Variants in MIPOL1 observed in about 807,000 individuals in gnomAD.
MIPOL1 encodes mirror-image polydactyly 1.
Under a neutral mutation model 60.9 loss-of-function variants are expected in MIPOL1, and 57 were observed. That is an observed-to-expected ratio of 0.94 (90% CI 0.76 to 1.17). MIPOL1 has a LOEUF of 1.17. MIPOL1 is among the 50% of genes most tolerant of loss of function. MIPOL1 has a pLI of 0.00. For synonymous variants in MIPOL1, 179 were observed against 168.8 expected (o/e 1.06, Z -0.47); for missense variants, 551 against 511.6 (o/e 1.08, Z -0.74).
At position 37,247,236 on chromosome 14, in the gene MIPOL1, G is replaced by A. The variant is rs1420394310; in HGVS notation, c.-65G>A. 1 of 152,326 alleles carries A rather than the reference G, an allele frequency of 6.6e-6. No individual in the cohort carries two copies. The highest frequency in any genetic ancestry group is 1.5e-5 in the Non-Finnish European group (1 of 67,918). 9.4% of individuals were successfully genotyped at this position (152,326 alleles called of 1,614,324 possible). On this transcript the variant is annotated 5_prime_UTR_variant, in exon 2 of 13. The change creates a new upstream start codon in the 5' untranslated region. Transcript: ENST00000684589. ...TTTTAAAGAACGCTGGGTTCTATCT[G>A]TGAGGTAAATCTAATTTTATTCTCC... is the stretch of plus-strand genomic sequence containing the variant.
At chr14:37,460,617 C>T (rs1348781997) in intron 11 of MIPOL1, among the ~76,000 whole-genome samples, 2 of 152,150 alleles carry the variant, frequency 1.3e-5, no homozygotes, top group African/African-American at 4.8e-5. Flanking sequence ...ACCCTGATGG[C>T]ACCTCCCAAA....
chr14:37,267,972 C>G (rs1006081242), intron 4 of MIPOL1, among the ~76,000 whole-genome samples: 6 of 152,090 alleles, frequency 3.9e-5, no homozygotes, highest in Admixed American at 3.9e-4. Flanking sequence ...CCTTGCCTAC[C>G]TAGCTCATGA....
intron 1 of MIPOL1, among the ~76,000 whole-genome samples, chr14:37,207,012 G>C (rs374013230): frequency 6.6e-6 from 1 of 152,222 alleles, no homozygotes; most frequent in African/African-American, 2.4e-5. Context: ...GCTGAAATGA[G>C]TTAAGACTTT....
At chr14:37,435,325 C>T (rs1220198278) in intron 11 of MIPOL1, among the ~76,000 whole-genome samples, 1 of 152,166 alleles carries the variant, frequency 6.6e-6, no homozygotes, top group African/African-American at 2.4e-5. Flanking sequence ...GTTCTACCCC[C>T]GGAATGTCAC....
intron 10 of MIPOL1, among the ~76,000 whole-genome samples, chr14:37,397,928 C>G (rs2093407419): frequency 6.6e-6 from 1 of 152,182 alleles, no homozygotes; most frequent in Non-Finnish European, 1.5e-5. Flanking sequence ...GGGCTTGGTT[C>G]TTCCCCAACC....
chr14:37,261,986 C>T (rs1207620798), intron 3 of MIPOL1, among the ~76,000 whole-genome samples: 1 of 151,904 alleles, frequency 6.6e-6, no homozygotes, highest in Non-Finnish European at 1.5e-5. Context: ...TTATCTTGTA[C>T]ACACATATTA....
chr14:37,522,010 A>T (rs2095417723), intron 12 of MIPOL1, among the ~76,000 whole-genome samples: 1 of 151,078 alleles, frequency 6.6e-6, no homozygotes, highest in African/African-American at 2.4e-5. Flanking sequence ...TTTTTACATG[A>T]TGCTTTAGAG....
intron 1 of MIPOL1, among the ~76,000 whole-genome samples, chr14:37,208,563 G>A (rs1178366859): frequency 6.6e-6 from 1 of 152,076 alleles, no homozygotes; most frequent in Non-Finnish European, 1.5e-5. Context: ...AATAAAAAGT[G>A]AGCACCCATG....
At chr14:37,399,362 A>G (rs2093438316) in intron 10 of MIPOL1, among the ~76,000 whole-genome samples, 3 of 152,134 alleles carry the variant, frequency 2.0e-5, no homozygotes. Flanking sequence ...CTCCTTCTCC[A>G]GTATGTCCAA....
chr14:37,496,665 T>A (rs1217350607), intron 11 of MIPOL1, among the ~76,000 whole-genome samples: 1 of 151,576 alleles, frequency 6.6e-6, no homozygotes, highest in African/African-American at 2.4e-5. Flanking sequence ...TACAAACAAA[T>A]GGAAGAACAT....
rs2095550452 is a variant in MIPOL1 at position 37,547,110 on chromosome 14, A to G, written c.*139A>G. ...CACTCCAACCACATTCCAAGCTGAG[A>G]TAAAATCAAATCACAAATGTTTAAC... On this transcript the variant is annotated 3_prime_UTR_variant, in exon 13 of 13. Transcript: ENST00000684589. The G allele has an allele frequency of 1.2e-5, 8 of 653,990 alleles. No homozygotes were observed. The highest frequency in any genetic ancestry group is 1.8e-5 in the Non-Finnish European group (7 of 378,742). The allele number at this position is 653,990 out of a possible 1,614,324, so 40.5% of individuals were successfully genotyped here.
chr14:37,345,846 C>T lies in MIPOL1; in HGVS notation c.829-23671C>T, dbSNP rs112181582. On this transcript the variant is annotated intron_variant, in intron 9 of 12. Transcript: ENST00000684589. ...TACTGATATTTCAAATTCTGAACTG[C>T]AGAATTTTTACTTAACGTATCTTAC... Among the ~76,000 whole-genome samples, 723 of 152,278 alleles carry T rather than the reference C, an allele frequency of 4.7e-3. 4 individuals carry two copies. Among genetic ancestry groups the T allele is most frequent in the African/African-American group, 0.015 (640 of 41,546 alleles).
At position 37,308,447 on chromosome 14, in the gene MIPOL1, G is replaced by C; in HGVS notation, c.756G>C (p.Lys252Asn). ...TTGTGGATAGAATCTACAAGACCAA[G>C]GAATGTAAAATGAGAATAACTGCAG... Reference protein sequence around the residue: ...AIIVDRIYKTKECKMRITAEE... With the variant: ...AIIVDRIYKTNECKMRITAEE... Residue 252 changes from lysine to asparagine, a missense_variant, in exon 9 of 13, where the codon AAG becomes AAC. Lys to Asn is a moderately conservative substitution (Grantham distance 94, BLOSUM62 0). Coordinates refer to ENST00000684589, the MANE Select transcript of MIPOL1 (RefSeq NM_001388067.1). 6.2e-7 allele frequency: 1 copy of C among 1,604,580 alleles called. No individual in the cohort carries two copies. Among genetic ancestry groups the C allele is most frequent in the Non-Finnish European group, 8.5e-7 (1 of 1,176,710 alleles).
chr14:37,521,920 T>C lies in MIPOL1; in HGVS notation c.1262+21782T>C, dbSNP rs1220785822. Among the ~76,000 whole-genome samples the C allele has an allele frequency of 1.8e-3, 250 of 142,526 alleles. 1 individual carries two copies. The highest frequency in any genetic ancestry group is 5.8e-3 in the African/African-American group (230 of 39,446). 93.5% of individuals were successfully genotyped at this position (142,526 alleles called of 152,430 possible). ...TATATATATATATATATTTTTTTTT[T>C]CTTTGGCTTCAAAAATAAAACAGAG... On this transcript the variant is annotated intron_variant, in intron 12 of 12. Coordinates refer to ENST00000684589, the MANE Select transcript of MIPOL1 (RefSeq NM_001388067.1).
intron 6 of MIPOL1, among the ~76,000 whole-genome samples, chr14:37,284,089 G>T (rs1402992343): frequency 6.6e-6 from 1 of 152,086 alleles, no homozygotes; most frequent in Non-Finnish European, 1.5e-5. Context: ...CCTAAGAAAT[G>T]ATAATTTTAG....
chr14:37,340,886 T>C (rs2153462144), intron 9 of MIPOL1, among the ~76,000 whole-genome samples: 1 of 152,296 alleles, frequency 6.6e-6, no homozygotes, highest in Non-Finnish European at 1.5e-5. Flanking sequence ...GCTCCATTCA[T>C]GGTAAGTGCC....
At chr14:37,345,721 T>G (rs1320081042) in intron 9 of MIPOL1, among the ~76,000 whole-genome samples, 1 of 152,188 alleles carries the variant, frequency 6.6e-6, no homozygotes, top group Non-Finnish European at 1.5e-5. Flanking sequence ...TCATTGCTAC[T>G]GAATTTCCTG....
At chr14:37,386,345 A>G (rs1225610830) in intron 10 of MIPOL1, among the ~76,000 whole-genome samples, 2 of 151,974 alleles carry the variant, frequency 1.3e-5, no homozygotes, top group South Asian at 4.1e-4. Flanking sequence ...TCTGTGATGC[A>G]TTCCTTCTAC....
chr14:37,302,999 C>T (rs1378581959), intron 7 of MIPOL1, among the ~76,000 whole-genome samples: 1 of 151,632 alleles, frequency 6.6e-6, no homozygotes, highest in Non-Finnish European at 1.5e-5. Flanking sequence ...TTATCAGGCA[C>T]CAAACAGTGG....
Sources: gnomAD v4.1 joint callset for allele counts (sites outside exome capture counted in the v4.1 genomes callset) on GRCh38, gnomAD v4.1.1 for gene constraint, MANE v1.5 for transcripts, NCBI Gene and HGNC (gene_info 2026-07-23, HGNC 2026-07-21) for gene names.